Variants in DDX50 observed in about 807,000 individuals in gnomAD.
DDX50 encodes DExD-box helicase 50, also known as ATP-dependent RNA helicase DDX50.
DDX50 carries 56 observed loss-of-function variants against 94.8 expected under a neutral mutation model. That is an observed-to-expected ratio of 0.59 (90% CI 0.48 to 0.74). DDX50 has a LOEUF of 0.74. DDX50 is among the 30% of genes least tolerant of loss of function. The pLI, the probability that DDX50 is intolerant of heterozygous loss-of-function variation, is 0.00. For missense variants in DDX50, 713 were observed against 881.2 expected, an observed-to-expected ratio of 0.81 and a Z score of 2.42; for synonymous variants, 264 against 295.4, an observed-to-expected ratio of 0.89 and a Z score of 1.09.
intron 3 of DDX50, among the ~76,000 whole-genome samples, chr10:68,910,628 C>T (rs1841598414): frequency 1.3e-5 from 2 of 152,158 alleles, no homozygotes; most frequent in Admixed American, 1.3e-4. Context: ...GTCTCAAACT[C>T]CTGACCTCCT....
intron 8 of DDX50, among the ~76,000 whole-genome samples, chr10:68,926,846 G>T (rs906825990): frequency 2.0e-5 from 3 of 150,864 alleles, no homozygotes; most frequent in Admixed American, 2.0e-4. Flanking sequence ...TGGAGACCTG[G>T]AAACCATCAC....
chr10:68,908,387 G>T (rs1841523187), intron 2 of DDX50, among the ~76,000 whole-genome samples: 1 of 143,678 alleles, frequency 7.0e-6, no homozygotes, highest in African/African-American at 2.6e-5. Flanking sequence ...GGAAGTGGAG[G>T]TTGCAGTGAG....
At chr10:68,928,366 T>G (rs1348264405) in intron 8 of DDX50, among the ~76,000 whole-genome samples, 1 of 152,002 alleles carries the variant, frequency 6.6e-6, no homozygotes, top group Non-Finnish European at 1.5e-5. Flanking sequence ...TACTTTCTTT[T>G]TTACCATTTT....
chr10:68,917,986 G>T (rs943018616), intron 7 of DDX50, among the ~76,000 whole-genome samples: 23 of 151,014 alleles, frequency 1.5e-4, no homozygotes, highest in African/African-American at 5.6e-4. Flanking sequence ...GTGCAGTGGC[G>T]CAGTCTCAGC....
chr10:68,917,384 A>G (rs1444958924), intron 7 of DDX50, among the ~76,000 whole-genome samples: 1 of 152,086 alleles, frequency 6.6e-6, no homozygotes, highest in Admixed American at 6.6e-5. Flanking sequence ...CGCTTGAACC[A>G]GGAGGCGGAG....
At chr10:68,931,424 TATACACAA>T (rs1842267529) in intron 8 of DDX50, among the ~76,000 whole-genome samples, 1 of 43,706 alleles carries the variant, frequency 2.3e-5, no homozygotes, top group African/African-American at 5.8e-5. Context: ...TATATATATA[TATACACAA>T]ACACACACAC....
intron 8 of DDX50, among the ~76,000 whole-genome samples, chr10:68,925,613 C>T (rs1315850630): frequency 2.6e-5 from 4 of 152,092 alleles, no homozygotes; most frequent in Admixed American, 1.3e-4. Context: ...GCCAGGCATG[C>T]CTGTAATTCT....
At chr10:68,922,922 G>A (rs1344801184) in intron 8 of DDX50, among the ~76,000 whole-genome samples, 1 of 148,738 alleles carries the variant, frequency 6.7e-6, no homozygotes, top group Non-Finnish European at 1.5e-5. Flanking sequence ...CTCCTGAGTA[G>A]CTGGGACTAC....
chr10:68,941,005 T>C lies in DDX50; in HGVS notation c.1756-55T>C, dbSNP rs1048855851. Reference sequence around the variant, plus strand: ...CTTGAAGGATTATAGAGTTAGAATTTCATTGTACTGCTGCTGATTTATTTC... The same window carrying C: ...CTTGAAGGATTATAGAGTTAGAATTCCATTGTACTGCTGCTGATTTATTTC... On this transcript the variant is annotated intron_variant, in intron 12 of 14. Coordinates refer to ENST00000373585, the MANE Select transcript of DDX50 (RefSeq NM_024045.2). 7.6e-6 allele frequency: 12 copies of C among 1,569,058 alleles called. No individual in the cohort carries two copies. In the Admixed American group the frequency reaches 9.8e-5, roughly 13 times the overall value.
chr10:68,930,841 T>A (rs1409319013), intron 8 of DDX50, among the ~76,000 whole-genome samples: 5 of 152,124 alleles, frequency 3.3e-5, no homozygotes, highest in Admixed American at 3.3e-4. Flanking sequence ...TTTATAGAGA[T>A]GGAATATCCT....
intron 7 of DDX50, 107 bp from the exon 8 acceptor site, chr10:68,919,725 A>G: frequency 2.2e-6 from 3 of 1,354,010 alleles, no homozygotes; most frequent in Non-Finnish European, 3.0e-6. Flanking sequence ...TTTGTCTTAC[A>G]GTCTCCCAGG....
At chr10:68,944,277 T>C (rs959624972) in intron 14 of DDX50, among the ~76,000 whole-genome samples, 3 of 152,166 alleles carry the variant, frequency 2.0e-5, no homozygotes, top group African/African-American at 7.2e-5. Context: ...AATCTATAGG[T>C]TCTTCCTCCT....
At chr10:68,903,607 C>G (rs940054724) in intron 1 of DDX50, among the ~76,000 whole-genome samples, 3 of 152,052 alleles carry the variant, frequency 2.0e-5, no homozygotes, top group Non-Finnish European at 2.9e-5. Flanking sequence ...TCGAGACCAG[C>G]CTGGCCAACA....
chr10:68,944,353 G>A (rs1377191279), intron 14 of DDX50, among the ~76,000 whole-genome samples: 1 of 151,984 alleles, frequency 6.6e-6, no homozygotes, highest in Non-Finnish European at 1.5e-5. Context: ...TTTATCTGTT[G>A]AAGAAGGAAG....
intron 1 of DDX50, among the ~76,000 whole-genome samples, chr10:68,901,933 G>A (rs1037315886): frequency 2.0e-5 from 3 of 152,162 alleles, no homozygotes; most frequent in Non-Finnish European, 4.4e-5. Context: ...TCAATAACTA[G>A]TCTGTAGAGG....
At chr10:68,942,636 C>T (rs748713896) in intron 13 of DDX50, among the ~76,000 whole-genome samples, 1 of 150,666 alleles carries the variant, frequency 6.6e-6, no homozygotes, top group African/African-American at 2.4e-5. Flanking sequence ...TTTTTTGAGA[C>T]AGGGTCTCAC....
In DDX50 at chr10:68,934,783, C is replaced by T. The variant is rs952268507; in HGVS notation, c.1402-16C>T. 3.2e-6 allele frequency: 5 copies of T among 1,570,650 alleles called. No homozygotes were observed. Among genetic ancestry groups the T allele is most frequent in the Non-Finnish European group, 4.3e-6 (5 of 1,165,912 alleles). ...TTGCTAGATTTTTAAAAAATATTAC[C>T]TTTTATAATCTTTAGGATGTTGAGT... On this transcript the variant is annotated splice_polypyrimidine_tract_variant and intron_variant, in intron 9 of 14. Coordinates refer to ENST00000373585, the MANE Select transcript of DDX50 (RefSeq NM_024045.2). This position sits in a 1 kb window ranked among gnomAD's most constrained non-coding sequence, Gnocchi z 4.0.
At chr10:68,928,447 G>A (rs1842148384) in intron 8 of DDX50, among the ~76,000 whole-genome samples, 1 of 152,156 alleles carries the variant, frequency 6.6e-6, no homozygotes, top group Non-Finnish European at 1.5e-5. Flanking sequence ...AAGGCAGGAG[G>A]ATCACTTGAG....
intron 8 of DDX50, among the ~76,000 whole-genome samples, chr10:68,926,244 G>A (rs2132044412): frequency 6.7e-6 from 1 of 149,474 alleles, no homozygotes; most frequent in South Asian, 2.2e-4. Context: ...GGTAAATAGT[G>A]AAAGAGTGGT....
Sources: allele counts gnomAD v4.1 joint callset (sites outside exome capture counted in the v4.1 genomes callset), GRCh38; gene constraint gnomAD v4.1.1; non-coding constraint Gnocchi (gnomAD v3.1); transcripts MANE v1.5; gene names NCBI Gene and HGNC (gene_info 2026-07-23, HGNC 2026-07-21).